The following SYNE1 variants were observed in gnomAD, a reference collection of about 807,000 sequenced individuals.
The protein encoded by SYNE1 is nesprin-1.
In SYNE1, 616 loss-of-function variants were observed where a neutral mutation model predicts 1,111.0. That is an observed-to-expected ratio of 0.55 (90% CI 0.52 to 0.59). The LOEUF is 0.59. SYNE1 is among the 20% of genes least tolerant of loss of function. The probability of loss-of-function intolerance (pLI) is 0.00; values close to 1 mark genes in which losing one functional copy is unlikely to be tolerated. For missense variants in SYNE1, 10,006 were observed against 10,417.0 expected (o/e 0.96, Z 1.72); for synonymous variants, 3,855 against 3,825.8 (o/e 1.01, Z -0.28).
At chr6:152,379,734 A>G (rs9479306) in intron 56 of SYNE1, among the ~76,000 whole-genome samples, 15,473 of 152,216 alleles carry the variant, frequency 0.1, 2,207 homozygotes, top group African/African-American at 0.32. Flanking sequence ...CATTTGAACT[A>G]TTTAACACAA....
At chr6:152,133,169 C>A in intron 143 of SYNE1, 107 bp downstream of exon 143, 1 of 1,080,182 alleles carries the variant, frequency 9.3e-7, no homozygotes, top group Non-Finnish European at 1.4e-6. Flanking sequence ...AGGAGACACT[C>A]CATTCTGACA....
Position 152,471,634 on chromosome 6 carries a change from C to T in SYNE1, c.1595G>A (p.Arg532Lys), listed in dbSNP as rs1377101307. 3.1e-6 allele frequency: 5 copies of T among 1,613,864 alleles called. No homozygotes were observed. The African/African-American group carries it at 4.0e-5, about 13-fold the overall frequency. ...KLKSWIIKYG[R>K]RESVEQLLQN... ...TAGAAGCTGCTCCACTGACTCTCTCCTCCCGTACTTAATGATCCAAGACTT... is the reference window on the plus strand; with the variant it reads ...TAGAAGCTGCTCCACTGACTCTCTCTTCCCGTACTTAATGATCCAAGACTT... Residue 532 changes from arginine (R) to lysine (K), a missense_variant, in exon 16 of 146, where the codon AGG (arginine) becomes AAG (lysine). Transcript: ENST00000367255.
In SYNE1 at chr6:152,482,924, A is replaced by G. The variant is rs73782842; in HGVS notation, c.1350+161T>C. On this transcript the variant is annotated intron_variant, in intron 14 of 145. Transcript: ENST00000367255. ...TGGAACCGTCATTAACCAGTGTAAG[A>G]AAGAAACAATCAAATTAGAGAACTC... is the stretch of plus-strand genomic sequence containing the variant. Among the ~76,000 whole-genome samples, 4,004 of 152,350 alleles carry G rather than the reference A, an allele frequency of 0.026. 203 individuals are homozygous for G. Among genetic ancestry groups the G allele is most frequent in the African/African-American group, 0.092 (3,811 of 41,560 alleles).
Position 152,444,496 on chromosome 6 carries a change from C to G in SYNE1, c.3752G>C (p.Gly1251Ala). 6.2e-7 allele frequency: 1 copy of G among 1,613,854 alleles called. No individual in the cohort carries two copies. The highest frequency in any genetic ancestry group is 8.5e-7 in the Non-Finnish European group (1 of 1,179,918). Residue 1251 changes from glycine (G) to alanine (A), a missense_variant, in exon 30 of 146, where the codon GGC (glycine) becomes GCC (alanine). Physicochemically the swap from Gly to Ala is moderately conservative, Grantham distance 60. Coordinates refer to ENST00000367255, the MANE Select transcript of SYNE1 (RefSeq NM_182961.4). ...AGCTTGTTCCTGGACTTCTTTAGAG[C>G]CAGAAATTAATTCTTCGAGAGAATT... ...VKNSLEELISGSKEVQEQAEK... is the reference protein window; with the variant it reads ...VKNSLEELISASKEVQEQAEK...
intron 93 of SYNE1, among the ~76,000 whole-genome samples, chr6:152,295,633 TACACAC>T (rs1562861293): frequency 6.6e-6 from 1 of 150,648 alleles, no homozygotes; most frequent in African/African-American, 2.4e-5. Context: ...CACACACACA[TACACAC>T]ACAAACACGC....
At chr6:152,276,659 CCCT>C (rs1179452412) in intron 98 of SYNE1, among the ~76,000 whole-genome samples, 1 of 152,120 alleles carries the variant, frequency 6.6e-6, no homozygotes, top group Non-Finnish European at 1.5e-5. Context: ...TGCTTTCCCT[CCCT>C]CCTCATTTTA....
intron 39 of SYNE1, among the ~76,000 whole-genome samples, chr6:152,424,914 C>T (rs1026148031): frequency 6.6e-6 from 1 of 152,290 alleles, no homozygotes; most frequent in Non-Finnish European, 1.5e-5. Flanking sequence ...AATTGTTAAT[C>T]ACCTAGTTAA....
chr6:152,485,968 G>A (rs924786820), intron 12 of SYNE1, among the ~76,000 whole-genome samples: 3 of 152,104 alleles, frequency 2.0e-5, no homozygotes, highest in Non-Finnish European at 2.9e-5. Flanking sequence ...AGATCGAGGC[G>A]GGCGGATCAT....
In SYNE1 at chr6:152,363,266, G is replaced by A. The variant is rs1382372786; in HGVS notation, c.10146-943C>T. On this transcript the variant is annotated intron_variant, in intron 63 of 145. Coordinates refer to ENST00000367255, the MANE Select transcript of SYNE1 (RefSeq NM_182961.4). The stretch of plus-strand genomic sequence containing the variant: ...TCCCAGCACTTTGGGAGGCCAAGGC[G>A]GGTGGATCACGAGGTCAGGAGATCA... Among the ~76,000 whole-genome samples the A allele has an allele frequency of 3.2e-3, 468 of 148,328 alleles. 2 individuals carry two copies. The highest frequency in any genetic ancestry group is 4.9e-3 in the Non-Finnish European group (330 of 66,762).
rs1315901245 is a variant in SYNE1, at chr6:152,135,295, G to A, written c.25660-63C>T. 9 of 1,548,182 alleles carry A rather than the reference G, an allele frequency of 5.8e-6. No homozygotes were observed. In the African/African-American group the frequency reaches 1.1e-4, roughly 19 times the overall value. ...TTTTTATTTCTCTCAAAACTTAAATGTCTTTCAACTGCCACCATTAGCAAA... is the reference window on the plus strand; with the variant it reads ...TTTTTATTTCTCTCAAAACTTAAATATCTTTCAACTGCCACCATTAGCAAA... On this transcript the variant is annotated intron_variant, in intron 141 of 145. Transcript: ENST00000367255.
chr6:152,122,352 G>T lies in SYNE1; in HGVS notation c.*84C>A. 6.2e-7 allele frequency: 1 copy of T among 1,609,618 alleles called. No individual in the cohort carries two copies. The highest frequency in any genetic ancestry group is 1.7e-5 in the Admixed American group (1 of 60,022). On this transcript the variant is annotated 3_prime_UTR_variant, in exon 146 of 146. Coordinates refer to ENST00000367255, the MANE Select transcript of SYNE1 (RefSeq NM_182961.4). ...CACCGAGGGCTTTCGCCAAGATCAAGGTCCTCTTGTTGGTAGTTTGGGATT... is the reference window on the plus strand; with the variant it reads ...CACCGAGGGCTTTCGCCAAGATCAATGTCCTCTTGTTGGTAGTTTGGGATT...
chr6:152,159,130 T>C (rs1056322734), intron 131 of SYNE1, among the ~76,000 whole-genome samples: 1 of 152,196 alleles, frequency 6.6e-6, no homozygotes, highest in Non-Finnish European at 1.5e-5. Flanking sequence ...TTTCGTATTT[T>C]TAGTAGGGAC....
intron 129 of SYNE1, among the ~76,000 whole-genome samples, chr6:152,177,003 G>GGT (rs2066625835): frequency 6.6e-6 from 1 of 151,954 alleles, no homozygotes; most frequent in Non-Finnish European, 1.5e-5. Flanking sequence ...TTGATATATA[G>GGT]GTATATATAT....
intron 3 of SYNE1, among the ~76,000 whole-genome samples, chr6:152,597,779 G>A (rs2128602701): frequency 6.6e-6 from 1 of 152,218 alleles, no homozygotes; most frequent in South Asian, 2.1e-4. Context: ...GCTTAAATAT[G>A]TAGTATATAT....
At chr6:152,244,704 C>T (rs766158418) in intron 105 of SYNE1, 48 bp from the exon 106 acceptor site, 9 of 1,611,676 alleles carry the variant, frequency 5.6e-6, no homozygotes, top group Admixed American at 1.7e-5. Flanking sequence ...GAACAATTTC[C>T]CCACGGAAGA....
chr6:152,426,201 T>C (rs199519867), intron 38 of SYNE1, among the ~76,000 whole-genome samples: 1 of 152,076 alleles, frequency 6.6e-6, no homozygotes, highest in Non-Finnish European at 1.5e-5. Context: ...GTAATAATAA[T>C]AAAAAAATAT....
chr6:152,203,951 C>A (rs916304585), intron 126 of SYNE1, among the ~76,000 whole-genome samples: 1 of 152,086 alleles, frequency 6.6e-6, no homozygotes, highest in African/African-American at 2.4e-5. Flanking sequence ...CAATGCTAAC[C>A]ATAGTGAGGG....
intron 3 of SYNE1, among the ~76,000 whole-genome samples, chr6:152,575,039 A>G (rs2099490852): frequency 6.6e-6 from 1 of 152,244 alleles, no homozygotes; most frequent in Admixed American, 6.5e-5. Flanking sequence ...TGAATGTACC[A>G]AACATGAAAT....
At chr6:152,298,147 G>A (rs1350114343) in intron 93 of SYNE1, among the ~76,000 whole-genome samples, 2 of 152,126 alleles carry the variant, frequency 1.3e-5, no homozygotes, top group East Asian at 1.9e-4. Flanking sequence ...GCACTTTCAC[G>A]ATTCATGTCA....
Sources: gnomAD v4.1 joint callset for allele counts (sites outside exome capture counted in the v4.1 genomes callset) on GRCh38, gnomAD v4.1.1 for gene constraint, MANE v1.5 for transcripts, NCBI Gene and HGNC (gene_info 2026-07-23, HGNC 2026-07-21) for gene names.